PCCA: variants seen among roughly 807,000 people sequenced by gnomAD.
PCCA encodes propionyl-CoA carboxylase alpha chain, mitochondrial.
PCCA carries 74 observed loss-of-function variants against 101.3 expected under a neutral mutation model. That is an observed-to-expected ratio of 0.73 (90% CI 0.61 to 0.89). The LOEUF (loss-of-function observed/expected upper bound fraction) is 0.89. Ranked by LOEUF, PCCA falls within the 40% of genes least tolerant of loss-of-function variation. PCCA has a pLI of 0.00. For missense variants in PCCA, 891 were observed against 907.0 expected (o/e 0.98, Z 0.23); for synonymous variants, 294 against 313.6 (o/e 0.94, Z 0.66).
intron 12 of PCCA, among the ~76,000 whole-genome samples, chr13:100,276,704 T>C (rs2063695256): frequency 6.6e-6 from 1 of 152,210 alleles, no homozygotes; most frequent in Admixed American, 6.5e-5. Flanking sequence ...CTGATTTCAA[T>C]TGTTTATATT....
intron 7 of PCCA, among the ~76,000 whole-genome samples, chr13:100,224,627 A>G (rs374442746): frequency 6.6e-6 from 1 of 152,258 alleles, no homozygotes; most frequent in Non-Finnish European, 1.5e-5. Context: ...GCAAGTATTC[A>G]GGCAATTGAC....
At chr13:100,273,409 T>G in intron 12 of PCCA, 63 bp downstream of exon 12, 1 of 1,326,944 alleles carries the variant, frequency 7.5e-7, no homozygotes, top group Non-Finnish European at 1.1e-6. Flanking sequence ...TTCTCCACCC[T>G]TTTTTGTTTT....
intron 21 of PCCA, chr13:100,489,856 A>C (rs545657942): frequency 6.6e-6 from 1 of 152,216 alleles, no homozygotes; most frequent in Admixed American, 6.5e-5. Context: ...GTGGAAGTCT[A>C]TGGGGAAGGT....
chr13:100,415,634 C>T (rs1339118071), intron 19 of PCCA, among the ~76,000 whole-genome samples: 5 of 151,978 alleles, frequency 3.3e-5, no homozygotes, highest in East Asian at 3.8e-4. Flanking sequence ...AGCAGAATAC[C>T]GGGGTTTTTA....
At chr13:100,385,549 C>T (rs2076452733) in intron 19 of PCCA, among the ~76,000 whole-genome samples, 1 of 152,228 alleles carries the variant, frequency 6.6e-6, no homozygotes, top group African/African-American at 2.4e-5. Context: ...AAGTGAAAAT[C>T]ATGATGAGAT....
intron 21 of PCCA, among the ~76,000 whole-genome samples, chr13:100,455,809 T>A (rs28627700): frequency 6.6e-6 from 1 of 151,902 alleles, no homozygotes; most frequent in Admixed American, 6.6e-5. Flanking sequence ...AAGCAATTCT[T>A]CTGTCTCAGC....
At chr13:100,523,063 TTCTTCG>T (rs1187210806) in intron 22 of PCCA, among the ~76,000 whole-genome samples, 2 of 152,210 alleles carry the variant, frequency 1.3e-5, no homozygotes, top group Non-Finnish European at 2.9e-5. Flanking sequence ...TCTTTGAGCG[TTCTTCG>T]TGGTCATGGC....
At chr13:100,395,749 A>T (rs1230392863) in intron 19 of PCCA, among the ~76,000 whole-genome samples, 1 of 152,196 alleles carries the variant, frequency 6.6e-6, no homozygotes, top group Admixed American at 6.5e-5. Flanking sequence ...AGCTCTAAAA[A>T]TCTTGGTAGA....
chr13:100,257,004 A>T (rs2152557460), intron 8 of PCCA, among the ~76,000 whole-genome samples: 1 of 152,314 alleles, frequency 6.6e-6, no homozygotes, highest in South Asian at 2.1e-4. Context: ...CTGTTAATGT[A>T]CGGAACAGTG....
chr13:100,524,556 C>A (rs953235909), intron 22 of PCCA, among the ~76,000 whole-genome samples: 1 of 152,100 alleles, frequency 6.6e-6, no homozygotes, highest in African/African-American at 2.4e-5. Context: ...GAGAAGTGTG[C>A]TACTTAGTTT....
intron 21 of PCCA, among the ~76,000 whole-genome samples, chr13:100,459,427 C>T (rs937105952): frequency 2.0e-5 from 3 of 152,194 alleles, no homozygotes; most frequent in Non-Finnish European, 4.4e-5. Context: ...TCTTAGGTCT[C>T]ATTTGAGTAC....
intron 9 of PCCA, among the ~76,000 whole-genome samples, chr13:100,261,611 T>A (rs1404361948): frequency 6.6e-6 from 1 of 151,964 alleles, no homozygotes; most frequent in African/African-American, 2.4e-5. Flanking sequence ...GGGAAGCCAC[T>A]GTGCCCACCC....
intron 19 of PCCA, among the ~76,000 whole-genome samples, chr13:100,412,500 GC>G (rs1198626853): frequency 6.6e-6 from 1 of 152,126 alleles, no homozygotes; most frequent in Admixed American, 6.6e-5. Flanking sequence ...AACAATAGAG[GC>G]TAACTATACC....
chr13:100,131,114 T>G (rs1566539225), intron 4 of PCCA, among the ~76,000 whole-genome samples: 1 of 152,104 alleles, frequency 6.6e-6, no homozygotes, highest in Admixed American at 6.5e-5. Flanking sequence ...CTAGTGAAAA[T>G]GTTGCTCTAA....
chr13:100,422,418 G>A (rs568813812), intron 19 of PCCA, among the ~76,000 whole-genome samples: 44 of 152,156 alleles, frequency 2.9e-4, no homozygotes, highest in African/African-American at 1.0e-3. Flanking sequence ...GCTTACAGGC[G>A]TGAGCCACCA....
intron 19 of PCCA, among the ~76,000 whole-genome samples, chr13:100,417,373 G>A (rs983696001): frequency 2.6e-5 from 4 of 152,174 alleles, no homozygotes; most frequent in African/African-American, 4.8e-5. Context: ...CAAACACTCC[G>A]TGCTCCATGT....
intron 19 of PCCA, among the ~76,000 whole-genome samples, chr13:100,417,272 T>G (rs569102427): frequency 1.3e-5 from 2 of 152,386 alleles, no homozygotes; most frequent in African/African-American, 4.8e-5. Flanking sequence ...AGCCTTGTCC[T>G]GGTTAATTCA....
At chr13:100,428,087 G>A (rs973905500) in intron 20 of PCCA, among the ~76,000 whole-genome samples, 6 of 151,346 alleles carry the variant, frequency 4.0e-5, no homozygotes, top group African/African-American at 1.5e-4. Context: ...TTTTAAATGA[G>A]ACAGGATCTC....
chr13:100,451,754 C>CCCTCTCTGTCCTCTTCCTCT lies in PCCA; in HGVS notation c.1899+2497_1899+2516dup, dbSNP rs1289337531. ...TCTCTCTCTCTTCTCTCCTTCCTCTCCCTCTCTGTCCTCTTCCTCTCCTCT... is the reference window on the plus strand; with the variant it reads ...TCTCTCTCTCTTCTCTCCTTCCTCTCCCTCTCTGTCCTCTTCCTCTCCTCTCTGTCCTCTTCCTCTCCTCT... On this transcript the variant is annotated intron_variant, in intron 21 of 23. Transcript: ENST00000376285. Among the ~76,000 whole-genome samples, 96 of 98,646 alleles carry CCCTCTCTGTCCTCTTCCTCT rather than the reference C, an allele frequency of 9.7e-4. 1 individual carries two copies. The highest frequency in any genetic ancestry group is 1.7e-3 in the Non-Finnish European group (82 of 48,954). The allele number at this position is 98,646 out of a possible 152,430, so 64.7% of individuals were successfully genotyped here.
Sources: gnomAD v4.1 joint callset for allele counts (sites outside exome capture counted in the v4.1 genomes callset) on GRCh38, gnomAD v4.1.1 for gene constraint, MANE v1.5 for transcripts, NCBI Gene and HGNC (gene_info 2026-07-23, HGNC 2026-07-21) for gene names.